VSIG1: variants seen among roughly 807,000 people sequenced by gnomAD.
VSIG1 encodes the protein V-set and immunoglobulin domain-containing protein 1.
A neutral mutation model predicts 20.1 loss-of-function variants in VSIG1; 11 were observed. The ratio of observed to expected loss-of-function variants is 0.55; its 90% CI spans 0.34 to 0.91. The LOEUF is 0.91. VSIG1 is among the 40% of genes least tolerant of loss of function. The probability of loss-of-function intolerance (pLI) is 0.02; values close to 1 mark genes in which losing one functional copy is unlikely to be tolerated. For synonymous variants in VSIG1, 126 were observed against 116.7 expected (o/e 1.08, Z -0.52); for missense variants, 283 against 298.8 (o/e 0.95, Z 0.39).
rs1569287455 is a variant in VSIG1, at chrX:108,047,965, T to TAC, written c.49+2787_49+2788insCA. Among the ~76,000 whole-genome samples the TAC allele has an allele frequency of 6.4e-4, 12 of 18,704 alleles. 1 individual carries two copies. The highest frequency in any genetic ancestry group is 3.1e-3 in the African/African-American group (12 of 3,835). 16.2% of individuals were successfully genotyped at this position (18,704 alleles called of 115,157 possible). A position where few individuals can be genotyped will look rare whatever the true frequency, so the allele number is the denominator to read the frequency against. Reference sequence around the variant, plus strand: ...ATATATATATATATACACACACATATATATATATATATATATATATATATA... The same window carrying TAC: ...ATATATATATATATACACACACATATACATATATATATATATATATATATATA... On this transcript the variant is annotated intron_variant, in intron 1 of 6. Transcript: ENST00000217957.
the VSIG1 span, among the ~76,000 whole-genome samples, chrX:108,022,838 A>C: frequency 9.0e-6 from 1 of 111,467 alleles, no homozygotes; most frequent in African/African-American, 3.3e-5. Flanking sequence ...GTACTGAGTA[A>C]GTTCTTGCTC....
At chrX:108,065,542 T>C (rs1318441471) in intron 2 of VSIG1, among the ~76,000 whole-genome samples, 2 of 112,074 alleles carry the variant, frequency 1.8e-5, no homozygotes, top group Non-Finnish European at 3.8e-5. Flanking sequence ...GTGTGTATTA[T>C]GAAGGGACCT....
At chrX:108,018,945 C>T in the VSIG1 span, among the ~76,000 whole-genome samples, 34 of 111,436 alleles carry the variant, frequency 3.1e-4, no homozygotes, top group African/African-American at 1.1e-3. Flanking sequence ...GGCTTCAGGG[C>T]AGCATATGCT....
the VSIG1 span, among the ~76,000 whole-genome samples, chrX:108,019,336 G>T: frequency 8.9e-6 from 1 of 112,389 alleles, no homozygotes; most frequent in Non-Finnish European, 1.9e-5. Context: ...TTGTGTACTG[G>T]GGTGGAGGTA....
intron 2 of VSIG1, among the ~76,000 whole-genome samples, chrX:108,060,755 C>T (rs765274237): frequency 1.8e-5 from 2 of 112,450 alleles, no homozygotes; most frequent in African/African-American, 3.2e-5. Flanking sequence ...TTACCTATCT[C>T]ATAGGTTGAA....
At chrX:108,058,922 AG>A (rs1167476106) in intron 2 of VSIG1, among the ~76,000 whole-genome samples, 55 of 106,472 alleles carry the variant, frequency 5.2e-4, no homozygotes, top group Middle Eastern at 4.9e-3. Context: ...GTATACTCAA[AG>A]GTGTGTGTGT....
chrX:108,073,943 G>C (rs2031302969), intron 5 of VSIG1: 1 of 111,358 alleles, frequency 9.0e-6, no homozygotes, highest in Admixed American at 9.5e-5. Context: ...CTTGCCCAAG[G>C]TCATCCAGTT....
At chrX:108,051,650 A>T (rs748482024) in intron 1 of VSIG1, among the ~76,000 whole-genome samples, 3 of 112,269 alleles carry the variant, frequency 2.7e-5, no homozygotes, top group Non-Finnish European at 3.8e-5. Context: ...AAAGGCAACT[A>T]CTGCCAACAT....
rs370240615 is a variant in VSIG1, at chrX:108,077,351, T to G, written c.1134T>G (p.Ser378Arg). 9.1e-6 allele frequency: 11 copies of G among 1,210,053 alleles called. No homozygotes were observed. In the African/African-American group the frequency reaches 1.6e-4, roughly 17 times the overall value. The change falls in exon 7 of 7, where the codon AGT becomes AGG. Residue 378 changes from serine to arginine, a missense_variant. Ser to Arg is a moderately radical substitution (Grantham distance 110, BLOSUM62 -1). Transcript: ENST00000217957. ...SEPGVVVEPL[S>R]EDEKGVVKA ...CTGGGGTTGTAGTTGAGCCCTTAAG[T>G]GAAGATGAAAAGGGAGTGGTTAAGG...
At position 108,064,197 on chromosome X, in the gene VSIG1, A is replaced by G. The variant is rs146617421; in HGVS notation, c.214-2739A>G. Among the ~76,000 whole-genome samples, 177 of 111,659 alleles carry G rather than the reference A, an allele frequency of 1.6e-3. 3 individuals carry two copies. The East Asian group carries it at 0.04, about 25-fold the overall frequency. ...CCCTTAACAGAAAGCCCCTCCATGTATGTGTCTGGCTGCTGCTGTCTACCC... is the reference window on the plus strand; with the variant it reads ...CCCTTAACAGAAAGCCCCTCCATGTGTGTGTCTGGCTGCTGCTGTCTACCC... On this transcript the variant is annotated intron_variant, in intron 2 of 6. Transcript: ENST00000217957.
intron 2 of VSIG1, among the ~76,000 whole-genome samples, chrX:108,061,883 C>G (rs2031035119): frequency 9.0e-6 from 1 of 110,569 alleles, no homozygotes; most frequent in South Asian, 4.1e-4. Flanking sequence ...TTATCTCTTA[C>G]TGACTATCCC....
intron 2 of VSIG1, among the ~76,000 whole-genome samples, chrX:108,065,147 C>A (rs1244415034): frequency 8.9e-6 from 1 of 112,189 alleles, no homozygotes; most frequent in African/African-American, 3.2e-5. Context: ...CCCTCAAAAT[C>A]CAGCTTTCTG....
Position 108,077,754 on chromosome X carries a change from T to C in VSIG1, c.*373T>C, listed in dbSNP as rs775800535. 11 of 137,600 alleles carry C rather than the reference T, an allele frequency of 8.0e-5. No homozygotes were observed. Among genetic ancestry groups the C allele is most frequent in the Non-Finnish European group, 1.6e-4 (11 of 70,134 alleles). 11.3% of individuals were successfully genotyped at this position (137,600 alleles called of 1,213,427 possible). On this transcript the variant is annotated 3_prime_UTR_variant, in exon 7 of 7. Coordinates refer to ENST00000217957, the MANE Select transcript of VSIG1 (RefSeq NM_182607.5). ...CAGAGTCTTGCTCCGTCGCGCAGGC[T>C]GTGATCGTAGTGGTGCGATCTCGGC...
At chrX:108,073,671 A>C (rs757194865) in intron 5 of VSIG1, 1 of 190,075 alleles carries the variant, frequency 5.3e-6, no homozygotes, top group East Asian at 1.2e-4. Flanking sequence ...AGCAGGCTGA[A>C]TTTCTCTTTG....
intron 3 of VSIG1, among the ~76,000 whole-genome samples, chrX:108,067,549 C>T (rs748717647): frequency 8.9e-6 from 1 of 112,158 alleles, no homozygotes; most frequent in African/African-American, 3.2e-5. Context: ...GACACAATTC[C>T]CACCATTAAA....
upstream of VSIG1, among the ~76,000 whole-genome samples, chrX:108,044,099 A>T (rs148180542): frequency 6.7e-4 from 75 of 111,994 alleles, 1 homozygote; most frequent in East Asian, 0.019. Flanking sequence ...AGCTGCTATG[A>T]TAGGCCAAAG....
At chrX:108,027,963 T>C in the VSIG1 span, among the ~76,000 whole-genome samples, 1 of 111,322 alleles carries the variant, frequency 9.0e-6, no homozygotes, top group Non-Finnish European at 1.9e-5. Context: ...AAGAGCTTGA[T>C]CATCCCTTTT....
the VSIG1 span, among the ~76,000 whole-genome samples, chrX:108,039,147 G>A: frequency 9.0e-6 from 1 of 110,974 alleles, no homozygotes; most frequent in East Asian, 2.8e-4. Flanking sequence ...CTTCACACAT[G>A]GGCTATACAT....
the VSIG1 span, among the ~76,000 whole-genome samples, chrX:108,024,462 AT>A: frequency 9.4e-6 from 1 of 106,776 alleles, no homozygotes; most frequent in Non-Finnish European, 1.9e-5. Context: ...TTTAATCTTT[AT>A]TATTCCTTTC....
Sources: allele counts gnomAD v4.1 joint callset (sites outside exome capture counted in the v4.1 genomes callset), GRCh38; gene constraint gnomAD v4.1.1; transcripts MANE v1.5; gene names NCBI Gene and HGNC (gene_info 2026-07-23, HGNC 2026-07-21).